Variants in THSD4 observed in about 807,000 individuals in gnomAD.
THSD4 encodes the protein thrombospondin type 1 domain containing 4, also known as thrombospondin type-1 domain-containing protein 4.
Under a neutral mutation model 119.0 loss-of-function variants are expected in THSD4, and 69 were observed. That is an observed-to-expected ratio of 0.58 (90% CI 0.48 to 0.71). The LOEUF is 0.71. Among genes scored for constraint, THSD4 ranks in the 30% least tolerant of loss-of-function variants. The probability of loss-of-function intolerance (pLI) is 0.00; values close to 1 mark genes in which losing one functional copy is unlikely to be tolerated. For synonymous variants in THSD4, 524 were observed against 540.4 expected (o/e 0.97, Z 0.42); for missense variants, 1,393 against 1,391.1 (o/e 1.00, Z -0.02).
chr15:71,288,693 C>T (rs1277988244), intron 6 of THSD4, among the ~76,000 whole-genome samples: 1 of 152,170 alleles, frequency 6.6e-6, no homozygotes, highest in Non-Finnish European at 1.5e-5. Flanking sequence ...TTTAGGAATG[C>T]AGTCATCTGT....
rs1211423893 is a variant in THSD4 at position 71,568,567 on chromosome 15, TC to T, written c.1153-91962del. Among the ~76,000 whole-genome samples, 9 of 66,572 alleles carry T rather than the reference TC, an allele frequency of 1.4e-4. No homozygotes were observed. In the East Asian group the frequency reaches 0.012, roughly 88 times the overall value. 43.7% of individuals were successfully genotyped at this position (66,572 alleles called of 152,430 possible). A position where few individuals can be genotyped will look rare whatever the true frequency, so the allele number is the denominator to read the frequency against. Reference sequence around the variant, plus strand: ...ATTGTTATACTCTTACCTCTTTTTCTCTTTTTTTTTTTTTGTTTTTTGTTTT... The same window carrying T: ...ATTGTTATACTCTTACCTCTTTTTCTTTTTTTTTTTTTTGTTTTTTGTTTT... On this transcript the variant is annotated intron_variant, in intron 7 of 17. Coordinates refer to ENST00000261862, the MANE Select transcript of THSD4 (RefSeq NM_024817.3).
At chr15:71,747,950 C>T (rs1272647538) in intron 13 of THSD4, among the ~76,000 whole-genome samples, 1 of 152,222 alleles carries the variant, frequency 6.6e-6, no homozygotes, top group African/African-American at 2.4e-5. Flanking sequence ...GACTTAACCC[C>T]TTGCCTGCCA....
At chr15:71,098,355 C>T (rs1475519926) in intron 1 of THSD4, among the ~76,000 whole-genome samples, 1 of 150,218 alleles carries the variant, frequency 6.7e-6, no homozygotes. Context: ...GCCACCACCA[C>T]CCAGCTAGGT....
intron 4 of THSD4, among the ~76,000 whole-genome samples, chr15:71,225,539 C>CTTTTTTTT (rs1040381361): frequency 3.8e-5 from 4 of 105,364 alleles, no homozygotes; most frequent in Non-Finnish European, 5.9e-5. Context: ...TTTTCTTTTT[C>CTTTTTTTT]TTTTTTTTTT....
At chr15:71,425,794 T>C (rs1235060861) in intron 7 of THSD4, among the ~76,000 whole-genome samples, 1 of 152,214 alleles carries the variant, frequency 6.6e-6, no homozygotes, top group East Asian at 1.9e-4. Flanking sequence ...CTTGAACTCA[T>C]CACAGAGTTT....
At chr15:71,675,129 C>T (rs2051614573) in intron 8 of THSD4, among the ~76,000 whole-genome samples, 1 of 152,048 alleles carries the variant, frequency 6.6e-6, no homozygotes, top group Non-Finnish European at 1.5e-5. Context: ...GTAGTGGGCC[C>T]CTAGATTGCT....
At chr15:71,172,896 C>A (rs1353827912) in intron 3 of THSD4, among the ~76,000 whole-genome samples, 1 of 150,774 alleles carries the variant, frequency 6.6e-6, no homozygotes, top group Non-Finnish European at 1.5e-5. Flanking sequence ...AGGAAATTAC[C>A]CCAACATAAT....
chr15:71,728,821 A>G lies in THSD4; in HGVS notation c.1533+97A>G, dbSNP rs2052916964. On this transcript the variant is annotated intron_variant, in intron 9 of 17. Coordinates refer to ENST00000261862, the MANE Select transcript of THSD4 (RefSeq NM_024817.3). ...AAATAAGCAACAAATCATTGCCCAT[A>G]CTCAATAAAAACCCTTTGAGCAGAG... 4.7e-6 allele frequency: 7 copies of G among 1,494,168 alleles called. No homozygotes were observed. In the Admixed American group the frequency reaches 1.2e-4, roughly 25 times the overall value. 92.6% of individuals were successfully genotyped at this position (1,494,168 alleles called of 1,614,324 possible). A position where few individuals can be genotyped will look rare whatever the true frequency, so the allele number is the denominator to read the frequency against.
At chr15:71,692,921 C>A (rs911814181) in intron 8 of THSD4, among the ~76,000 whole-genome samples, 3 of 152,114 alleles carry the variant, frequency 2.0e-5, no homozygotes, top group Non-Finnish European at 4.4e-5. Context: ...AATTACAATT[C>A]CATAAAACTT....
At chr15:71,387,566 A>T (rs1422404206) in intron 6 of THSD4, among the ~76,000 whole-genome samples, 2 of 152,166 alleles carry the variant, frequency 1.3e-5, no homozygotes, top group Non-Finnish European at 2.9e-5. Context: ...CAGGTGGAGG[A>T]TGAATGGGTC....
intron 6 of THSD4, among the ~76,000 whole-genome samples, chr15:71,364,499 C>T (rs999592595): frequency 2.0e-5 from 3 of 152,270 alleles, no homozygotes; most frequent in Admixed American, 6.5e-5. Context: ...TGTTCAAATG[C>T]GGAAAATGAT....
intron 7 of THSD4, among the ~76,000 whole-genome samples, chr15:71,563,909 G>A (rs1387030236): frequency 6.6e-6 from 1 of 152,142 alleles, no homozygotes; most frequent in African/African-American, 2.4e-5. Flanking sequence ...TACATTTGAG[G>A]TAGCCCTGAC....
chr15:71,775,146 C>G (rs1438026506), intron 17 of THSD4, among the ~76,000 whole-genome samples: 1 of 142,144 alleles, frequency 7.0e-6, no homozygotes, highest in Non-Finnish European at 1.5e-5. Context: ...AACTCCATCT[C>G]AAAAAAAAAA....
intron 7 of THSD4, among the ~76,000 whole-genome samples, chr15:71,570,429 T>C (rs1296821468): frequency 6.6e-6 from 1 of 151,096 alleles, no homozygotes; most frequent in Non-Finnish European, 1.5e-5. Context: ...TTTTTTGAGA[T>C]GGAGTCTTGT....
intron 1 of THSD4, among the ~76,000 whole-genome samples, chr15:71,105,858 CCT>C (rs2040272360): frequency 6.6e-6 from 1 of 152,126 alleles, no homozygotes; most frequent in Non-Finnish European, 1.5e-5. Flanking sequence ...TGCATTTTCC[CCT>C]CTTATATTAA....
chr15:71,121,363 C>T (rs1157492956), intron 1 of THSD4, among the ~76,000 whole-genome samples: 3 of 144,884 alleles, frequency 2.1e-5, no homozygotes, highest in Non-Finnish European at 1.5e-5. Context: ...TTAGCTATCA[C>T]TTTTTTTTTT....
intron 6 of THSD4, among the ~76,000 whole-genome samples, chr15:71,366,355 C>T (rs544919142): frequency 1.3e-5 from 2 of 152,172 alleles, no homozygotes; most frequent in South Asian, 4.1e-4. Context: ...AAACAGCTCC[C>T]GGCTGTCCAA....
At chr15:71,277,365 G>T (rs767319835) in intron 6 of THSD4, among the ~76,000 whole-genome samples, 1 of 152,008 alleles carries the variant, frequency 6.6e-6, no homozygotes, top group Non-Finnish European at 1.5e-5. Context: ...ACCTCAGGTG[G>T]TCTGCTCACC....
rs574564921 is a variant in THSD4, at chr15:71,735,753, GCTCT to G, written c.1631-1976_1631-1973del. Among the ~76,000 whole-genome samples, 268 of 126,104 alleles carry G rather than the reference GCTCT, an allele frequency of 2.1e-3. 1 individual carries two copies. Among genetic ancestry groups the G allele is most frequent in the Non-Finnish European group, 3.3e-3 (196 of 59,674 alleles). The allele number at this position is 126,104 out of a possible 152,430, so 82.7% of individuals were successfully genotyped here. A position where few individuals can be genotyped will look rare whatever the true frequency, so the allele number is the denominator to read the frequency against. On this transcript the variant is annotated intron_variant, in intron 10 of 17. Coordinates refer to ENST00000261862, the MANE Select transcript of THSD4 (RefSeq NM_024817.3). ...TTCTGTCACTGTCCCTGTCTCTCTT[GCTCT>G]CTGTCTGTCTTCTTCTCTGTCTCTG... is the stretch of plus-strand genomic sequence containing the variant.
Sources: gnomAD v4.1 joint callset for allele counts (sites outside exome capture counted in the v4.1 genomes callset) on GRCh38, gnomAD v4.1.1 for gene constraint, MANE v1.5 for transcripts, NCBI Gene and HGNC (gene_info 2026-07-23, HGNC 2026-07-21) for gene names.